Variants in WWOX observed in about 807,000 individuals in gnomAD.
WWOX encodes the protein WW domain-containing oxidoreductase.
In WWOX, 69 loss-of-function variants were observed where a neutral mutation model predicts 46.2. The observed-to-expected ratio is 1.49, with a 90% CI of 1.23 to 1.82. The LOEUF is 1.82. WWOX is among the 40% of genes most tolerant of loss of function. WWOX has a pLI of 0.00. For synonymous variants in WWOX, 359 were observed against 202.6 expected, an observed-to-expected ratio of 1.77 and a Z score of -6.56; for missense variants, 919 against 542.6, an observed-to-expected ratio of 1.69 and a Z score of -6.89.
At chr16:78,984,429 A>G (rs927124383) in intron 8 of WWOX, among the ~76,000 whole-genome samples, 1 of 152,150 alleles carries the variant, frequency 6.6e-6, no homozygotes, top group African/African-American at 2.4e-5. Context: ...CAATTACCCA[A>G]CTCTGCTGTT....
At chr16:78,595,918 A>G (rs557075080) in intron 8 of WWOX, among the ~76,000 whole-genome samples, 2 of 152,238 alleles carry the variant, frequency 1.3e-5, no homozygotes, top group Non-Finnish European at 2.9e-5. Flanking sequence ...TCAATTAAAA[A>G]TACAATAAAA....
intron 8 of WWOX, among the ~76,000 whole-genome samples, chr16:78,866,923 A>T (rs1330602037): frequency 6.6e-6 from 1 of 152,220 alleles, no homozygotes; most frequent in East Asian, 1.9e-4. Flanking sequence ...CTTTGGTCTG[A>T]AGCTTCAAAT....
At position 78,853,079 on chromosome 16, in the gene WWOX, G is replaced by T. The variant is rs370992170; in HGVS notation, c.1057-358529G>T. 9.8e-5 allele frequency among the ~76,000 whole-genome samples: 15 copies of T among 152,322 alleles called. No homozygotes were observed. In the East Asian group the frequency reaches 2.9e-3, roughly 29 times the overall value. ...AAAATGAGAATACCTGATGGGGTTA[G>T]TGTGGGAGTTTAATGTCTGTAAGGT... On this transcript the variant is annotated intron_variant, in intron 8 of 8. Transcript: ENST00000566780.
intron 8 of WWOX, among the ~76,000 whole-genome samples, chr16:78,576,707 G>T (rs1220207539): frequency 2.0e-5 from 3 of 152,098 alleles, no homozygotes; most frequent in Admixed American, 6.6e-5. Context: ...TGGCTCATAG[G>T]TGTAGTCCCA....
At chr16:78,640,743 A>G (rs2046687183) in intron 8 of WWOX, among the ~76,000 whole-genome samples, 1 of 152,104 alleles carries the variant, frequency 6.6e-6, no homozygotes, top group African/African-American at 2.4e-5. Context: ...GTTGAATACC[A>G]GCCTGGGCAA....
intron 8 of WWOX, among the ~76,000 whole-genome samples, chr16:78,608,862 C>T (rs1402153332): frequency 6.6e-6 from 1 of 152,108 alleles, no homozygotes; most frequent in African/African-American, 2.4e-5. Flanking sequence ...GTCAGGTGGT[C>T]TTAAATTCCA....
intron 8 of WWOX, among the ~76,000 whole-genome samples, chr16:78,894,804 C>G (rs1033133429): frequency 1.3e-5 from 2 of 152,122 alleles, no homozygotes; most frequent in African/African-American, 4.8e-5. Context: ...GACCTTGAGA[C>G]CCCAAGACCG....
rs1169503580 is a variant in WWOX, at chr16:78,708,130, G to A, written c.1056+275378G>A. Reference sequence around the variant, plus strand: ...CACCTGAGCCCAGGAATTTGAGGCTGCAGTGAGCTATGACTGCACCATTGC... The same window carrying A: ...CACCTGAGCCCAGGAATTTGAGGCTACAGTGAGCTATGACTGCACCATTGC... On this transcript the variant is annotated intron_variant, in intron 8 of 8. Transcript: ENST00000566780. Among the ~76,000 whole-genome samples, 3 of 152,066 alleles carry A rather than the reference G, an allele frequency of 2.0e-5. No individual in the cohort carries two copies. In the East Asian group the frequency reaches 5.8e-4, roughly 29 times the overall value.
intron 8 of WWOX, among the ~76,000 whole-genome samples, chr16:79,085,717 C>A (rs566713208): frequency 6.6e-6 from 1 of 152,022 alleles, no homozygotes; most frequent in African/African-American, 2.4e-5. Context: ...AACCAGTTAC[C>A]CTATAGTCAA....
At chr16:78,517,760 ACCTTGGCTTTGAGGTTTATTT>A (rs962967656) in intron 8 of WWOX, among the ~76,000 whole-genome samples, 181 of 149,648 alleles carry the variant, frequency 1.2e-3, no homozygotes, top group Non-Finnish European at 2.3e-3. Flanking sequence ...GGAGCTGTTT[ACCTTGGCTTTGAGGTTTATTT>A]CCTTCTGGAT....
In WWOX at chr16:78,825,096, A is replaced by C. The variant is rs1224674751; in HGVS notation, c.1057-386512A>C. ...CATGAACAACTCCACTTCATAAATG[A>C]GGATGCCGGCACTCGGGGAGGTCAA... On this transcript the variant is annotated intron_variant, in intron 8 of 8. Coordinates refer to ENST00000566780, the MANE Select transcript of WWOX (RefSeq NM_016373.4). 2.0e-5 allele frequency among the ~76,000 whole-genome samples: 3 copies of C among 152,122 alleles called. No homozygotes were observed. In the East Asian group the frequency reaches 5.8e-4, roughly 29 times the overall value.
intron 5 of WWOX, among the ~76,000 whole-genome samples, chr16:78,289,649 G>T (rs530192753): frequency 1.3e-5 from 2 of 152,238 alleles, no homozygotes; most frequent in African/African-American, 2.4e-5. Context: ...AAGAATAAGA[G>T]ACCTAAGTTT....
At chr16:78,907,535 A>G (rs2151250352) in intron 8 of WWOX, among the ~76,000 whole-genome samples, 1 of 152,232 alleles carries the variant, frequency 6.6e-6, no homozygotes, top group South Asian at 2.1e-4. Flanking sequence ...AGTACTAAAT[A>G]TCCCCCCAAA....
chr16:78,981,085 C>G (rs112290998), intron 8 of WWOX, among the ~76,000 whole-genome samples: 1 of 152,200 alleles, frequency 6.6e-6, no homozygotes, highest in Non-Finnish European at 1.5e-5. Context: ...GAGCCTCATT[C>G]GAGTTCTTCC....
chr16:78,553,808 C>T (rs980499702), intron 8 of WWOX, among the ~76,000 whole-genome samples: 4 of 151,938 alleles, frequency 2.6e-5, no homozygotes, highest in African/African-American at 9.7e-5. Context: ...TGCAGACCCC[C>T]CTGGTGGCAG....
chr16:78,361,508 T>C (rs1464593276), intron 5 of WWOX, among the ~76,000 whole-genome samples: 1 of 152,212 alleles, frequency 6.6e-6, no homozygotes, highest in African/African-American at 2.4e-5. Flanking sequence ...GTGTTTACCA[T>C]GATGCTTGGC....
chr16:79,184,026 C>A (rs886626443), intron 8 of WWOX, among the ~76,000 whole-genome samples: 1 of 152,194 alleles, frequency 6.6e-6, no homozygotes, highest in South Asian at 2.1e-4. Flanking sequence ...TTATAACTCT[C>A]CTTTATTAGT....
In WWOX at chr16:79,116,327, A is replaced by G. The variant is rs113613443; in HGVS notation, c.1057-95281A>G. On this transcript the variant is annotated intron_variant, in intron 8 of 8. Coordinates refer to ENST00000566780, the MANE Select transcript of WWOX (RefSeq NM_016373.4). ...TCTGTAGCATGCACTGCCGTTTGAC[A>G]TCATTTTACTCACAGCAGAATTTAT... Among the ~76,000 whole-genome samples, 937 of 152,324 alleles carry G rather than the reference A, an allele frequency of 6.2e-3. 4 individuals carry two copies. Among genetic ancestry groups the G allele is most frequent in the Middle Eastern group, 0.024 (7 of 294 alleles).
At chr16:78,632,244 A>G (rs1385865954) in intron 8 of WWOX, among the ~76,000 whole-genome samples, 1 of 152,156 alleles carries the variant, frequency 6.6e-6, no homozygotes, top group African/African-American at 2.4e-5. Flanking sequence ...GGTTAATACT[A>G]CTAGTATTTG....
Sources: allele counts gnomAD v4.1 joint callset (sites outside exome capture counted in the v4.1 genomes callset), GRCh38; gene constraint gnomAD v4.1.1; transcripts MANE v1.5; gene names NCBI Gene and HGNC (gene_info 2026-07-23, HGNC 2026-07-21).